Variants in SDK2 observed in about 807,000 individuals in gnomAD.
SDK2 encodes protein sidekick-2.
In SDK2, 105 loss-of-function variants were observed where a neutral mutation model predicts 253.9. The observed-to-expected ratio is 0.41, with a 90% CI of 0.35 to 0.49. The LOEUF (loss-of-function observed/expected upper bound fraction) is 0.49, where lower values mean the gene tolerates loss of function less well. Ranked by LOEUF, SDK2 falls within the 20% of genes least tolerant of loss-of-function variation. The pLI is 0.06. For synonymous variants in SDK2, 1,249 were observed against 1,234.9 expected, an observed-to-expected ratio of 1.01 and a Z score of -0.24; for missense variants, 2,608 against 3,003.0, an observed-to-expected ratio of 0.87 and a Z score of 3.07.
chr17:73,407,007 T>C lies in SDK2; in HGVS notation c.2485-4866A>G, dbSNP rs114737640. On this transcript the variant is annotated intron_variant, in intron 18 of 44. Transcript: ENST00000392650. ...GGTATTGTAGGAACTGGATTTTCAG[T>C]ATGGACAAAAGACCAATGAGATTAT... 8.1e-3 allele frequency among the ~76,000 whole-genome samples: 1,230 copies of C among 152,304 alleles called. 23 individuals carry two copies. The highest frequency in any genetic ancestry group is 0.028 in the African/African-American group (1,170 of 41,570).
chr17:73,506,012 A>G (rs1228369940), intron 2 of SDK2, among the ~76,000 whole-genome samples: 2 of 151,574 alleles, frequency 1.3e-5, no homozygotes, highest in African/African-American at 4.8e-5. Flanking sequence ...TAAGGAACCA[A>G]CTCTCCTCCT....
intron 4 of SDK2, among the ~76,000 whole-genome samples, chr17:73,453,476 C>T (rs2063502975): frequency 6.6e-6 from 1 of 150,762 alleles, no homozygotes; most frequent in African/African-American, 2.4e-5. Context: ...CTCCCAGGTT[C>T]AAGCGATTCT....
In SDK2 at chr17:73,536,582, G is replaced by C. The variant is rs531003335; in HGVS notation, c.65-28985C>G. ...GAGAGCTGACCAGGGGGGCCACACAGAGACAGCTGGGGCTGCTGGCTATTG... is the reference window on the plus strand; with the variant it reads ...GAGAGCTGACCAGGGGGGCCACACACAGACAGCTGGGGCTGCTGGCTATTG... On this transcript the variant is annotated intron_variant, in intron 1 of 44. Coordinates refer to ENST00000392650, the MANE Select transcript of SDK2 (RefSeq NM_001144952.2). Among the ~76,000 whole-genome samples the C allele has an allele frequency of 3.9e-5, 6 of 152,348 alleles. No individual in the cohort carries two copies. The East Asian group carries it at 9.7e-4, about 25-fold the overall frequency.
chr17:73,398,053 G>A lies in SDK2; in HGVS notation c.3336C>T (p.Ser1112=). The A allele has an allele frequency of 1.2e-6, 2 of 1,612,520 alleles. No homozygotes were observed. The highest frequency in any genetic ancestry group is 2.2e-5 in the South Asian group (2 of 91,084). Residue 1112 remains serine (S), a synonymous_variant, in exon 24 of 45, where the codon AGC becomes AGT. Transcript: ENST00000392650. The part of the protein sequence containing the change: ...NVSLRTASET[S]LWLRWMPLPE... ...GCCTTACCATCCAGCGCAGCCACAG[G>A]CTGGTCTCACTGGCTGTGCGCAGAG...
At chr17:73,353,889 G>C (rs35903125) in intron 40 of SDK2, among the ~76,000 whole-genome samples, 5 of 151,652 alleles carry the variant, frequency 3.3e-5, no homozygotes, top group African/African-American at 1.2e-4. Flanking sequence ...TTTTTTAGTA[G>C]AGACAGGGTT....
intron 1 of SDK2, among the ~76,000 whole-genome samples, chr17:73,525,934 G>A (rs147997594): frequency 7.2e-4 from 110 of 152,348 alleles, no homozygotes; most frequent in African/African-American, 2.3e-3. Context: ...ATGTCAGAGT[G>A]AGCAAGAAGG....
rs2063591109 is a variant in SDK2 at position 73,465,548 on chromosome 17, T to C, written c.331+6564A>G. On this transcript the variant is annotated intron_variant, in intron 3 of 44. Coordinates refer to ENST00000392650, the MANE Select transcript of SDK2 (RefSeq NM_001144952.2). The surrounding 1 kb of genome is among the most constrained non-coding windows in gnomAD (Gnocchi z 4.2). ...ATCCCACATGCTGAATGCTGGAAAT[T>C]TATGGTGACTTAAAAAAACACAAAG... 1.3e-5 allele frequency among the ~76,000 whole-genome samples: 2 copies of C among 151,944 alleles called. No individual in the cohort carries two copies. The highest frequency in any genetic ancestry group is 2.4e-5 in the African/African-American group (1 of 41,352).
chr17:73,535,232 G>A (rs2044754633), intron 1 of SDK2, among the ~76,000 whole-genome samples: 1 of 152,174 alleles, frequency 6.6e-6, no homozygotes, highest in Admixed American at 6.5e-5. Context: ...TTGAGAGCAG[G>A]ACTATGGGAG....
rs1567799481 is a variant in SDK2, at chr17:73,483,697, ATATATATATAT to A, written c.225-11490_225-11480del. Among the ~76,000 whole-genome samples the A allele has an allele frequency of 2.2e-3, 152 of 67,836 alleles. 10 individuals carry two copies. The highest frequency in any genetic ancestry group is 7.9e-3 in the African/African-American group (111 of 14,012). 44.5% of individuals were successfully genotyped at this position (67,836 alleles called of 152,430 possible). A position where few individuals can be genotyped will look rare whatever the true frequency, so the allele number is the denominator to read the frequency against. ...TATATATATATTTATATATATATAT[ATATATATATAT>A]TTTTTTTTTTTTTTAGTAGAGTTGG... On this transcript the variant is annotated intron_variant, in intron 2 of 44. Coordinates refer to ENST00000392650, the MANE Select transcript of SDK2 (RefSeq NM_001144952.2).
chr17:73,423,060 G>C (rs1599552043), intron 14 of SDK2, among the ~76,000 whole-genome samples: 4 of 99,408 alleles, frequency 4.0e-5, no homozygotes, highest in Non-Finnish European at 6.6e-5. Flanking sequence ...TAAATAAAAT[G>C]CAATGCGAAT....
chr17:73,640,840 C>A (rs911351743), intron 1 of SDK2, among the ~76,000 whole-genome samples: 1 of 152,194 alleles, frequency 6.6e-6, no homozygotes, highest in African/African-American at 2.4e-5. Flanking sequence ...AGGCATGATT[C>A]TCTTGAAAGA....
chr17:73,516,442 C>T (rs369510498), intron 1 of SDK2, among the ~76,000 whole-genome samples: 1 of 152,212 alleles, frequency 6.6e-6, no homozygotes, highest in Non-Finnish European at 1.5e-5. Context: ...GGGCTCCTGG[C>T]GAGTCCCTTC....
At chr17:73,357,910 G>C (rs777342083) in intron 40 of SDK2, 169 bp downstream of exon 40, 3 of 1,033,884 alleles carry the variant, frequency 2.9e-6, no homozygotes, top group African/African-American at 3.1e-5. Flanking sequence ...CCAGCTCTAG[G>C]AGCCCCCCAA....
rs992150433 is a variant in SDK2 at position 73,389,287 on chromosome 17, G to A, written c.4192+1000C>T. 6.0e-5 allele frequency among the ~76,000 whole-genome samples: 9 copies of A among 149,120 alleles called. No individual in the cohort carries two copies. The South Asian group carries it at 1.1e-3, about 18-fold the overall frequency. Reference sequence around the variant, plus strand: ...TGACCTCCGCCTCGCAGGTTCAAGCGATTCTTTTGCCTCAGCCTTCCAAGT... The same window carrying A: ...TGACCTCCGCCTCGCAGGTTCAAGCAATTCTTTTGCCTCAGCCTTCCAAGT... On this transcript the variant is annotated intron_variant, in intron 29 of 44. Transcript: ENST00000392650.
chr17:73,427,364 G>A (rs1461685184), intron 12 of SDK2, among the ~76,000 whole-genome samples: 2 of 152,144 alleles, frequency 1.3e-5, no homozygotes, highest in Non-Finnish European at 2.9e-5. Flanking sequence ...TGTAAATAAA[G>A]TTTTATTAGA....
chr17:73,611,239 C>T (rs1405373874), intron 1 of SDK2, among the ~76,000 whole-genome samples: 1 of 152,186 alleles, frequency 6.6e-6, no homozygotes, highest in East Asian at 1.9e-4. Flanking sequence ...CTCTCTCTGC[C>T]CCCACTGCTG....
At chr17:73,598,649 G>A (rs1458572943) in intron 1 of SDK2, among the ~76,000 whole-genome samples, 3 of 98,882 alleles carry the variant, frequency 3.0e-5, no homozygotes, top group East Asian at 3.9e-4. Context: ...CAGCGGGCAC[G>A]ACGTGGATCG....
chr17:73,588,090 TG>T (rs773327109), intron 1 of SDK2, among the ~76,000 whole-genome samples: 3 of 152,022 alleles, frequency 2.0e-5, no homozygotes, highest in Non-Finnish European at 4.4e-5. Flanking sequence ...ATGCAAATTC[TG>T]GCCTGGCGCG....
intron 1 of SDK2, among the ~76,000 whole-genome samples, chr17:73,562,279 C>T (rs919628444): frequency 2.6e-5 from 4 of 152,174 alleles, no homozygotes; most frequent in African/African-American, 4.8e-5. Flanking sequence ...CCATCTTTAT[C>T]GGACGTTTTG....
Sources: gnomAD v4.1 joint callset for allele counts (sites outside exome capture counted in the v4.1 genomes callset) on GRCh38, gnomAD v4.1.1 for gene constraint, Gnocchi (gnomAD v3.1) non-coding constraint, MANE v1.5 for transcripts, NCBI Gene and HGNC (gene_info 2026-07-23, HGNC 2026-07-21) for gene names.